NDUFAF5: variants seen among roughly 807,000 people sequenced by gnomAD.
NDUFAF5 encodes the protein arginine-hydroxylase NDUFAF5, mitochondrial.
A neutral mutation model predicts 48.9 loss-of-function variants in NDUFAF5; 34 were observed. That is an observed-to-expected ratio of 0.70 (90% confidence interval 0.53 to 0.93). NDUFAF5 has a LOEUF of 0.93. NDUFAF5 is among the 40% of genes least tolerant of loss of function. The pLI, the probability that NDUFAF5 is intolerant of heterozygous loss-of-function variation, is 0.00. For synonymous variants in NDUFAF5, 153 were observed against 150.6 expected, an observed-to-expected ratio of 1.02 and a Z score of -0.12; for missense variants, 428 against 427.5, an observed-to-expected ratio of 1.00 and a Z score of -0.01.
chr20:13,815,339 A>C (rs1600393558), intron 8 of NDUFAF5, among the ~76,000 whole-genome samples: 1 of 152,136 alleles, frequency 6.6e-6, no homozygotes, highest in African/African-American at 2.4e-5. Flanking sequence ...GATTGGCCCA[A>C]GGTTATCCAG....
chr20:13,810,859 G>A (rs1456474662), intron 8 of NDUFAF5, among the ~76,000 whole-genome samples: 1 of 152,128 alleles, frequency 6.6e-6, no homozygotes, highest in African/African-American at 2.4e-5. Flanking sequence ...TTGAAAACAA[G>A]AAGTTCCCAT....
chr20:13,793,631 A>T (rs1413878564), intron 4 of NDUFAF5, among the ~76,000 whole-genome samples: 1 of 152,206 alleles, frequency 6.6e-6, no homozygotes, highest in Admixed American at 6.5e-5. Context: ...TTATTTAGCT[A>T]AACTTTCTAT....
intron 7 of NDUFAF5, 80 bp from the exon 8 acceptor site, chr20:13,808,762 T>A: frequency 1.2e-6 from 1 of 866,102 alleles, no homozygotes; most frequent in Middle Eastern, 3.1e-4. Context: ...TTGGTCTGGG[T>A]AGTCTCTGCG....
chr20:13,789,171 C>CT (rs1416965174), intron 3 of NDUFAF5, among the ~76,000 whole-genome samples: 4 of 151,522 alleles, frequency 2.6e-5, no homozygotes, highest in East Asian at 3.9e-4. Flanking sequence ...AGTGGAATTT[C>CT]TTTTTTTTTC....
chr20:13,817,633 T>G lies in NDUFAF5; in HGVS notation c.*423T>G, dbSNP rs945107542. The G allele has an allele frequency of 4.4e-6, 2 of 454,992 alleles. No individual in the cohort carries two copies. Among genetic ancestry groups the G allele is most frequent in the East Asian group, 1.4e-4 (2 of 14,412 alleles). 28.2% of individuals were successfully genotyped at this position (454,992 alleles called of 1,614,324 possible). ...AATTTAGAAGAGCATGTATCTTTAT[T>G]AAATCCCTCCTCAACTCTTTTTTTT... On this transcript the variant is annotated 3_prime_UTR_variant, in exon 11 of 11. Transcript: ENST00000378106.
chr20:13,793,820 C>A (rs933423307), intron 4 of NDUFAF5, among the ~76,000 whole-genome samples: 3 of 152,128 alleles, frequency 2.0e-5, no homozygotes, highest in African/African-American at 7.2e-5. Context: ...TTCAGACTGC[C>A]CTTAGAAAGA....
rs546862739 is a variant in NDUFAF5 at position 13,805,157 on chromosome 20, T to C, written c.717+3474T>C. ...CTAAAAAGTATAGGAGGTGTAGGGC[T>C]GGGATGGTGTGGCGATGTGTAGTGC... On this transcript the variant is annotated intron_variant, in intron 7 of 10. Coordinates refer to ENST00000378106, the MANE Select transcript of NDUFAF5 (RefSeq NM_024120.5). Among the ~76,000 whole-genome samples, 289 of 152,244 alleles carry C rather than the reference T, an allele frequency of 1.9e-3. 2 individuals are homozygous for C. The highest frequency in any genetic ancestry group is 2.9e-3 in the Non-Finnish European group (196 of 68,008).
intron 8 of NDUFAF5, among the ~76,000 whole-genome samples, chr20:13,811,160 G>A (rs953738744): frequency 3.9e-5 from 6 of 152,180 alleles, no homozygotes; most frequent in Non-Finnish European, 7.3e-5. Flanking sequence ...GAAGAAAAGG[G>A]AAGTGGGAAC....
intron 1 of NDUFAF5, among the ~76,000 whole-genome samples, chr20:13,785,670 CACATGTGGCTGTTGAACACTTGAAA>C (rs1980939095): frequency 6.6e-6 from 1 of 152,190 alleles, no homozygotes. Flanking sequence ...CTGCCGGCCA[CACATGTGGCTGTTGAACACTTGAAA>C]GGTGACTAGT....
At position 13,785,128 on chromosome 20, in the gene NDUFAF5, A is replaced by C. The variant is rs779775964; in HGVS notation, c.60A>C (p.Pro20=). 3.1e-6 allele frequency: 5 copies of C among 1,613,826 alleles called. No homozygotes were observed. The highest frequency in any genetic ancestry group is 4.2e-6 in the Non-Finnish European group (5 of 1,179,968). The change falls in exon 1 of 11, where the codon CCA becomes CCC. Residue 20 remains proline (P), a synonymous_variant. Transcript: ENST00000378106. ...LCRRPWAARV[P]AENLGRREVT... The stretch of plus-strand genomic sequence containing the variant: ...GGCGACCTTGGGCGGCGAGGGTCCC[A>C]GCGGAGAATCTTGGCCGTAGGGAAG...
intron 8 of NDUFAF5, among the ~76,000 whole-genome samples, chr20:13,812,675 G>A (rs1354131841): frequency 6.6e-6 from 1 of 152,118 alleles, no homozygotes; most frequent in Non-Finnish European, 1.5e-5. Context: ...TTACCGGTGA[G>A]CAAATTGAGG....
rs545506536 is a variant in NDUFAF5, at chr20:13,802,143, A to G, written c.717+460A>G. Among the ~76,000 whole-genome samples, 9 of 152,294 alleles carry G rather than the reference A, an allele frequency of 5.9e-5. No individual in the cohort carries two copies. The South Asian group carries it at 1.9e-3, about 32-fold the overall frequency. ...GTTCTCAAGGCCTAGGGTGAGATCAAGGCTAAAGAAGGTAGGACAGGGTGC... is the reference window on the plus strand; with the variant it reads ...GTTCTCAAGGCCTAGGGTGAGATCAGGGCTAAAGAAGGTAGGACAGGGTGC... On this transcript the variant is annotated intron_variant, in intron 7 of 10. Coordinates refer to ENST00000378106, the MANE Select transcript of NDUFAF5 (RefSeq NM_024120.5).
Position 13,817,984 on chromosome 20 carries a change from A to G in NDUFAF5, c.*774A>G, listed in dbSNP as rs781426239. The stretch of plus-strand genomic sequence containing the variant: ...AGAGGAAGCAGGGAGAAGGCTGAGA[A>G]GCAAGCAGGAGTGAGCGCTAAGTGT... On this transcript the variant is annotated 3_prime_UTR_variant, in exon 11 of 11. Transcript: ENST00000378106. 8.8e-6 allele frequency: 4 copies of G among 454,054 alleles called. No homozygotes were observed. Among genetic ancestry groups the G allele is most frequent in the African/African-American group, 2.0e-5 (1 of 50,028 alleles). The allele number at this position is 454,054 out of a possible 1,614,324, so 28.1% of individuals were successfully genotyped here.
At chr20:13,815,203 A>G (rs1455505577) in intron 8 of NDUFAF5, among the ~76,000 whole-genome samples, 2 of 152,208 alleles carry the variant, frequency 1.3e-5, no homozygotes, top group Non-Finnish European at 2.9e-5. Flanking sequence ...TGAAAGCACC[A>G]TACCTGAGCC....
intron 8 of NDUFAF5, among the ~76,000 whole-genome samples, chr20:13,812,128 TC>T (rs1461138121): frequency 6.6e-6 from 1 of 152,236 alleles, no homozygotes; most frequent in Non-Finnish European, 1.5e-5. Context: ...CCTGGCACTG[TC>T]TGAACTGACC....
At chr20:13,795,443 A>G (rs1292218347) in intron 5 of NDUFAF5, among the ~76,000 whole-genome samples, 1 of 152,192 alleles carries the variant, frequency 6.6e-6, no homozygotes, top group Non-Finnish European at 1.5e-5. Flanking sequence ...CCTGCTCCCA[A>G]CAATCATAAC....
intron 8 of NDUFAF5, among the ~76,000 whole-genome samples, chr20:13,810,049 G>A (rs1214877175): frequency 6.6e-6 from 1 of 152,222 alleles, no homozygotes; most frequent in Admixed American, 6.5e-5. Flanking sequence ...AAGAGGTTAT[G>A]TCAAGTAGGC....
Position 13,785,055 on chromosome 20 carries a change from G to T in NDUFAF5, c.-14G>T, listed in dbSNP as rs766465190. On this transcript the variant is annotated 5_prime_UTR_variant, in exon 1 of 11. Transcript: ENST00000378106. ...GCGCACAAAAAGCGCCGGCAATTGGGGTCGCAGCTGGAGATGCTGCGGCCG... is the reference window on the plus strand; with the variant it reads ...GCGCACAAAAAGCGCCGGCAATTGGTGTCGCAGCTGGAGATGCTGCGGCCG... 8 of 1,606,164 alleles carry T rather than the reference G, an allele frequency of 5.0e-6. No homozygotes were observed. Among genetic ancestry groups the T allele is most frequent in the Non-Finnish European group, 6.8e-6 (8 of 1,177,764 alleles).
intron 5 of NDUFAF5, among the ~76,000 whole-genome samples, chr20:13,797,817 T>C (rs1187389931): frequency 6.6e-6 from 1 of 152,190 alleles, no homozygotes; most frequent in African/African-American, 2.4e-5. Context: ...GGGGAGGCTG[T>C]GCATGTGTGG....
Sources: gnomAD v4.1 joint callset for allele counts (sites outside exome capture counted in the v4.1 genomes callset) on GRCh38, gnomAD v4.1.1 for gene constraint, MANE v1.5 for transcripts, NCBI Gene and HGNC (gene_info 2026-07-23, HGNC 2026-07-21) for gene names.